Variants in KCTD15 observed in about 807,000 individuals in gnomAD.
KCTD15 encodes BTB/POZ domain-containing protein KCTD15.
A neutral mutation model predicts 27.2 loss-of-function variants in KCTD15; 11 were observed. That is an observed-to-expected ratio of 0.41 (90% CI 0.25 to 0.67). The LOEUF is 0.67. Ranked by LOEUF, KCTD15 falls within the 30% of genes least tolerant of loss-of-function variation. KCTD15 has a pLI of 0.35. For synonymous variants in KCTD15, 163 were observed against 176.0 expected (o/e 0.93, Z 0.58); for missense variants, 350 against 409.3 (o/e 0.86, Z 1.25).
chr19:33,797,979 G>T (rs1206407445), intron 1 of KCTD15, among the ~76,000 whole-genome samples: 1 of 152,014 alleles, frequency 6.6e-6, no homozygotes, highest in South Asian at 2.1e-4. Context: ...CCAGCCCCGC[G>T]CTTCGGGTGC....
upstream of KCTD15, chr19:33,796,039 C>T (rs1032370982): frequency 2.0e-5 from 3 of 152,166 alleles, no homozygotes; most frequent in African/African-American, 4.8e-5. Flanking sequence ...TCCCAAGTCC[C>T]GCCCCCAGCC....
chr19:33,807,830 C>T (rs1468504934), intron 5 of KCTD15, among the ~76,000 whole-genome samples: 2 of 152,074 alleles, frequency 1.3e-5, no homozygotes, highest in South Asian at 4.1e-4. Flanking sequence ...ATACCAGCCA[C>T]TTGGGAAGCT....
chr19:33,798,683 G>A lies in KCTD15; in HGVS notation c.-111G>A, dbSNP rs141725436. ...CTGACTTAAGCAGTGGTCTCGGAAA[G>A]AGGGTCGTGGTCCCGCACGGATGCG... On this transcript the variant is annotated 5_prime_UTR_variant, in exon 2 of 7. Coordinates refer to ENST00000683859, the MANE Select transcript of KCTD15 (RefSeq NM_001129994.2). 5.9e-3 allele frequency: 909 copies of A among 152,848 alleles called. 3 individuals are homozygous for A. Among genetic ancestry groups the A allele is most frequent in the Middle Eastern group, 0.01 (3 of 294 alleles). 9.5% of individuals were successfully genotyped at this position (152,848 alleles called of 1,614,324 possible). A position where few individuals can be genotyped will look rare whatever the true frequency, so the allele number is the denominator to read the frequency against.
intron 1 of KCTD15, chr19:33,797,273 TGTGTGTGTGTGCGCGCGCGCGCGC>T (rs1347824352): frequency 9.4e-6 from 3 of 320,052 alleles, no homozygotes; most frequent in Non-Finnish European, 1.8e-5. Context: ...TGTGTGTGTG[TGTGTGTGTGTGCGCGCGCGCGCGC>T]GCGCGCTTGT....
At chr19:33,803,032 G>A (rs1975607972) in intron 4 of KCTD15, among the ~76,000 whole-genome samples, 1 of 152,144 alleles carries the variant, frequency 6.6e-6, no homozygotes, top group Non-Finnish European at 1.5e-5. Flanking sequence ...TGCTCTCATG[G>A]GGAGCTAGGG....
At chr19:33,807,434 A>G (rs1975748179) in intron 5 of KCTD15, among the ~76,000 whole-genome samples, 1 of 151,982 alleles carries the variant, frequency 6.6e-6, no homozygotes, top group Admixed American at 6.6e-5. Flanking sequence ...CTGAAAATGC[A>G]AAAATTAGGC....
intron 4 of KCTD15, among the ~76,000 whole-genome samples, chr19:33,803,426 A>G (rs181412274): frequency 3.2e-4 from 49 of 152,302 alleles, no homozygotes; most frequent in Admixed American, 9.8e-4. Context: ...TGGAGGACTA[A>G]GAGTGCTGTG....
Position 33,814,562 on chromosome 19 carries a change from C to G in KCTD15, c.*1614C>G, listed in dbSNP as rs907583727. Reference sequence around the variant, plus strand: ...GTCTCAAATGTTTGGGATTTTCTCTCTCACTATTCTTTGGTTGGGGATGAT... The same window carrying G: ...GTCTCAAATGTTTGGGATTTTCTCTGTCACTATTCTTTGGTTGGGGATGAT... On this transcript the variant is annotated 3_prime_UTR_variant, in exon 7 of 7. Transcript: ENST00000683859. 1.3e-5 allele frequency: 2 copies of G among 152,206 alleles called. No homozygotes were observed. The highest frequency in any genetic ancestry group is 2.9e-5 in the Non-Finnish European group (2 of 68,036). The allele number at this position is 152,206 out of a possible 1,614,324, so 9.4% of individuals were successfully genotyped here.
intron 2 of KCTD15, chr19:33,799,604 C>G (rs1975462931): frequency 6.6e-6 from 1 of 152,272 alleles, no homozygotes; most frequent in South Asian, 2.1e-4. Context: ...GTGACTACGG[C>G]ACAGAGGAGA....
rs1975913102 is a variant in KCTD15 at position 33,811,456 on chromosome 19, C to A, written c.597C>A (p.Asp199Glu). Residue 199 changes from aspartate (D) to glutamate (E), a missense_variant, in exon 6 of 7, where the codon GAC becomes GAA. Transcript: ENST00000683859. Reference sequence around the variant, plus strand: ...AGGAGGTCTTCCCCGAGACCGGAGACGTCATGTGCAACTCCGTCAACGCCG... The same window carrying A: ...AGGAGGTCTTCCCCGAGACCGGAGAAGTCATGTGCAACTCCGTCAACGCCG... The part of the protein sequence containing the change: ...LIEEVFPETG[D>E]VMCNSVNAGW... 6.2e-7 allele frequency: 1 copy of A among 1,612,986 alleles called. No individual in the cohort carries two copies. Among genetic ancestry groups the A allele is most frequent in the Non-Finnish European group, 8.5e-7 (1 of 1,179,856 alleles).
chr19:33,806,770 CGTGTGGGCCCTCAGGA>C, intron 4 of KCTD15, 77 bp from the exon 5 acceptor site: 1 of 1,425,768 alleles, frequency 7.0e-7, no homozygotes, highest in Non-Finnish European at 9.6e-7. Flanking sequence ...CCCCTCCAGC[CGTGTGGGCCCTCAGGA>C]GTGGGGGCGG....
At chr19:33,811,105 C>A in intron 5 of KCTD15, 142 bp from the exon 6 acceptor site, 3 of 703,612 alleles carry the variant, frequency 4.3e-6, no homozygotes, top group Non-Finnish European at 6.9e-6. Flanking sequence ...ACAATGGGTG[C>A]AACCGGCCCA....
chr19:33,812,296 C>G (rs1975950191), intron 6 of KCTD15: 2 of 1,015,816 alleles, frequency 2.0e-6, no homozygotes, highest in Non-Finnish European at 2.3e-6. Context: ...TTCTCTCCCT[C>G]CAGAGCTCCC....
intron 5 of KCTD15, 99 bp from the exon 6 acceptor site, chr19:33,811,148 G>C: frequency 9.7e-7 from 1 of 1,033,924 alleles, no homozygotes; most frequent in Non-Finnish European, 1.4e-6. Flanking sequence ...CGCAGTTCCT[G>C]CAGAATTGGT....
At chr19:33,799,424 T>G (rs567208513) in intron 2 of KCTD15, among the ~76,000 whole-genome samples, 34 of 152,324 alleles carry the variant, frequency 2.2e-4, no homozygotes, top group Non-Finnish European at 2.9e-4. Context: ...AGCCAGTGTC[T>G]GTGGATGTGT....
At chr19:33,809,565 T>C (rs954225357) in intron 5 of KCTD15, among the ~76,000 whole-genome samples, 1 of 151,926 alleles carries the variant, frequency 6.6e-6, no homozygotes, top group Admixed American at 6.6e-5. Flanking sequence ...TGTCATGCAG[T>C]TGTCATTTAA....
upstream of KCTD15, among the ~76,000 whole-genome samples, chr19:33,795,642 A>T (rs1223956340): frequency 2.0e-5 from 3 of 151,570 alleles, no homozygotes; most frequent in Non-Finnish European, 4.4e-5. Context: ...ATGGTCGCCG[A>T]GGAGGAGGAG....
Position 33,802,256 on chromosome 19 carries a change from G to A in KCTD15, c.242+914G>A, listed in dbSNP as rs372049117. ...CCCCTGGGGCTGCTGAAGGCTGAGC[G>A]TGGGAGGGCCAAGGCTGTGGGCATC... On this transcript the variant is annotated intron_variant, in intron 4 of 6. Coordinates refer to ENST00000683859, the MANE Select transcript of KCTD15 (RefSeq NM_001129994.2). Among the ~76,000 whole-genome samples, 109 of 152,346 alleles carry A rather than the reference G, an allele frequency of 7.2e-4. 2 individuals carry two copies. The East Asian group carries it at 0.013, about 18-fold the overall frequency.
chr19:33,811,715 C>T (rs1975930273), intron 6 of KCTD15, 163 bp downstream of exon 6: 10 of 1,553,130 alleles, frequency 6.4e-6, no homozygotes, highest in Non-Finnish European at 7.9e-6. Context: ...TTATGTCCCT[C>T]TCATAATTAA....
Sources: gnomAD v4.1 joint callset for allele counts (sites outside exome capture counted in the v4.1 genomes callset) on GRCh38, gnomAD v4.1.1 for gene constraint, MANE v1.5 for transcripts, NCBI Gene and HGNC (gene_info 2026-07-23, HGNC 2026-07-21) for gene names.